NEB: variants seen among roughly 807,000 people sequenced by gnomAD.
NEB encodes the protein nebulin.
A neutral mutation model predicts 952.2 loss-of-function variants in NEB; 512 were observed. That is an observed-to-expected ratio of 0.54 (90% CI 0.50 to 0.58). NEB has a LOEUF of 0.58. NEB is among the 20% of genes least tolerant of loss of function. The pLI is 0.00. For missense variants in NEB, 8,428 were observed against 9,231.1 expected (o/e 0.91, Z 3.56); for synonymous variants, 2,900 against 3,149.8 (o/e 0.92, Z 2.66).
intron 16 of NEB, 55 bp downstream of exon 16, chr2:151,697,093 G>T: frequency 7.6e-7 from 1 of 1,314,550 alleles, no homozygotes; most frequent in Non-Finnish European, 1.1e-6. Flanking sequence ...AACATATCCT[G>T]ACCACTAGAT....
chr2:151,492,037 C>G, intron 178 of NEB, 61 bp downstream of exon 178: 1 of 1,530,636 alleles, frequency 6.5e-7, no homozygotes, highest in Non-Finnish European at 9.0e-7. Context: ...GGTAATGCTA[C>G]TTTTGTTCTT....
intron 176 of NEB, 82 bp downstream of exon 176, chr2:151,493,271 G>T: frequency 9.4e-7 from 1 of 1,059,760 alleles, no homozygotes; most frequent in Non-Finnish European, 1.4e-6. Flanking sequence ...TTTTTCAGTT[G>T]AATGAGAAAG....
chr2:151,626,352 T>A (rs1380812609), intron 70 of NEB, among the ~76,000 whole-genome samples: 2 of 152,160 alleles, frequency 1.3e-5, no homozygotes, highest in South Asian at 2.1e-4. Flanking sequence ...TGAGCTCAAG[T>A]GATCTGCCCA....
intron 181 of NEB, among the ~76,000 whole-genome samples, chr2:151,487,523 A>C (rs2051865161): frequency 6.6e-6 from 1 of 152,176 alleles, no homozygotes; most frequent in African/African-American, 2.4e-5. Flanking sequence ...AAGTCTTTCC[A>C]TGTAAATATA....
intron 70 of NEB, 117 bp downstream of exon 70, chr2:151,626,885 T>C: frequency 7.9e-7 from 1 of 1,257,900 alleles, no homozygotes; most frequent in Non-Finnish European, 1.1e-6. Flanking sequence ...TTCAACTGAA[T>C]CACTATACAT....
intron 71 of NEB, among the ~76,000 whole-genome samples, chr2:151,625,040 A>G (rs1426862591): frequency 1.3e-5 from 2 of 152,168 alleles, no homozygotes; most frequent in Non-Finnish European, 2.9e-5. Flanking sequence ...TTGAGCATAA[A>G]GGAGAGACAT....
At chr2:151,508,528 CA>C (rs2071209498) in intron 161 of NEB, among the ~76,000 whole-genome samples, 2 of 152,332 alleles carry the variant, frequency 1.3e-5, no homozygotes, top group South Asian at 4.1e-4. Context: ...GGTTAAGAGT[CA>C]AAGACATGAC....
At chr2:151,620,575 C>G (rs2098394371) in intron 72 of NEB, among the ~76,000 whole-genome samples, 1 of 151,924 alleles carries the variant, frequency 6.6e-6, no homozygotes, top group Admixed American at 6.6e-5. Context: ...ATGGGGCAAA[C>G]TCAGTTAAGC....
intron 146 of NEB, among the ~76,000 whole-genome samples, chr2:151,528,877 G>A (rs1161446946): frequency 2.6e-5 from 4 of 152,110 alleles, no homozygotes; most frequent in African/African-American, 9.7e-5. Context: ...GAGAGCACAG[G>A]GAAAGAGAAT....
chr2:151,680,911 A>G, intron 29 of NEB, 83 bp from the exon 30 acceptor site: 1 of 1,121,724 alleles, frequency 8.9e-7, no homozygotes, highest in Non-Finnish European at 1.4e-6. Context: ...TTTATTTTGA[A>G]GCGAAAAGGA....
intron 70 of NEB, among the ~76,000 whole-genome samples, 193 bp from the exon 71 acceptor site, chr2:151,625,831 A>G (rs1037441937): frequency 3.9e-5 from 6 of 152,182 alleles, no homozygotes; most frequent in African/African-American, 1.4e-4. Context: ...CTAAGATATG[A>G]AAAGAAAAAT....
Position 151,658,105 on chromosome 2 carries a change from A to G in NEB, c.6076-15T>C, listed in dbSNP as rs1325049465. On this transcript the variant is annotated splice_polypyrimidine_tract_variant and intron_variant, in intron 47 of 181. Transcript: ENST00000397345. ...TTGTAGAGTTTCTGTAAAGAGAGGC[A>G]AAGGGAAGAGTTTTCTTCTAAATAT... 1 of 1,515,116 alleles carries G rather than the reference A, an allele frequency of 6.6e-7. No individual in the cohort carries two copies. The highest frequency in any genetic ancestry group is 9.1e-7 in the Non-Finnish European group (1 of 1,100,654). The allele number at this position is 1,515,116 out of a possible 1,614,324, so 93.9% of individuals were successfully genotyped here.
In NEB at chr2:151,554,886, C is replaced by G. The variant is rs771630813; in HGVS notation, c.19428+45G>C. ...AAATCACATAACGAGCGGCACATTT[C>G]TCAGAATGTATCCTAGTCATTAAGG... On this transcript the variant is annotated intron_variant, in intron 125 of 181. Coordinates refer to ENST00000397345, the MANE Select transcript of NEB (RefSeq NM_001164508.2). 5 of 1,335,634 alleles carry G rather than the reference C, an allele frequency of 3.7e-6. No individual in the cohort carries two copies. The South Asian group carries it at 5.9e-5, about 16-fold the overall frequency. 82.7% of individuals were successfully genotyped at this position (1,335,634 alleles called of 1,614,324 possible). A position where few individuals can be genotyped will look rare whatever the true frequency, so the allele number is the denominator to read the frequency against.
At chr2:151,538,032 T>C in intron 139 of NEB, 56 bp from the exon 140 acceptor site, 3 of 1,539,006 alleles carry the variant, frequency 1.9e-6, no homozygotes, top group Non-Finnish European at 2.7e-6. Context: ...AATGTAAATA[T>C]GGCTTCTTTC....
chr2:151,627,784 G>A lies in NEB; in HGVS notation c.9882C>T (p.Ala3294=), dbSNP rs935195501. 6.2e-7 allele frequency: 1 copy of A among 1,613,886 alleles called. No individual in the cohort carries two copies. Among genetic ancestry groups the A allele is most frequent in the Admixed American group, 1.7e-5 (1 of 60,014 alleles). ...YRKQLGHHIG[A]RNIEDDPKMM... is the part of the protein sequence containing the mutation. ...TCTTGGGGTCATCTTCAATGTTCCG[G>A]GCTCCAATGTGGTGGCCGAGCTGCT... Residue 3294 remains alanine, a synonymous_variant, in exon 69 of 182, where the codon GCC becomes GCT. Transcript: ENST00000397345.
chr2:151,486,027 CA>C (rs2050032408), intron 181 of NEB, 94 bp from the exon 182 acceptor site: 1 of 1,304,010 alleles, frequency 7.7e-7, no homozygotes, highest in African/African-American at 1.4e-5. Context: ...ACTGACTCCA[CA>C]AACTTAAGTT....
chr2:151,531,132 G>A (rs2153490325), intron 144 of NEB, 31 bp from the exon 145 acceptor site: 1 of 1,381,812 alleles, frequency 7.2e-7, no homozygotes, highest in South Asian at 1.2e-5. Context: ...AAGACATCAT[G>A]TCATGCTTCT....
chr2:151,498,891 T>TAAAAAA (rs66881625), intron 169 of NEB, among the ~76,000 whole-genome samples: 1 of 150,214 alleles, frequency 6.7e-6, no homozygotes, highest in African/African-American at 2.4e-5. Flanking sequence ...GATAAGGTGC[T>TAAAAAA]AAAAAAAAGA....
Position 151,677,566 on chromosome 2 carries a change from T to A in NEB, c.3773A>T (p.Asp1258Val), listed in dbSNP as rs370284834. The A allele has an allele frequency of 1.9e-6, 3 of 1,612,216 alleles. No homozygotes were observed. In the African/African-American group the frequency reaches 4.0e-5, roughly 22 times the overall value. Residue 1258 changes from aspartate to valine, a missense_variant and splice_region_variant, in exon 34 of 182, where the codon GAT becomes GTT. Physicochemically the swap from Asp to Val is radical, Grantham distance 152. Coordinates refer to ENST00000397345, the MANE Select transcript of NEB (RefSeq NM_001164508.2). ...QAKQNTKQVS[D>V]ILYKAKGEDV... ...TCCTCTCTATTTTATTGTACTCACA[T>A]CACTGACTTGCTTCGTGTTCTGTTT...
Sources: allele counts gnomAD v4.1 joint callset (sites outside exome capture counted in the v4.1 genomes callset), GRCh38; gene constraint gnomAD v4.1.1; transcripts MANE v1.5; gene names NCBI Gene and HGNC (gene_info 2026-07-23, HGNC 2026-07-21).